Variants in PSME4 observed in about 807,000 individuals in gnomAD.
The protein encoded by PSME4 is proteasome activator complex subunit 4.
In PSME4, 89 loss-of-function variants were observed where a neutral mutation model predicts 253.9. That is an observed-to-expected ratio of 0.35 (90% CI 0.30 to 0.42). The LOEUF (loss-of-function observed/expected upper bound fraction) is 0.42, where lower values mean the gene tolerates loss of function less well. Ranked by LOEUF, PSME4 falls within the 10% of genes least tolerant of loss-of-function variation. PSME4 has a pLI of 1.00. For missense variants in PSME4, 2,014 were observed against 2,195.2 expected, an observed-to-expected ratio of 0.92 and a Z score of 1.65; for synonymous variants, 851 against 759.2, an observed-to-expected ratio of 1.12 and a Z score of -1.99.
intron 1 of PSME4, among the ~76,000 whole-genome samples, 165 bp from the exon 2 acceptor site, chr2:53,949,448 C>CT (rs77741355): frequency 0.053 from 7,447 of 139,364 alleles, 386 homozygotes; most frequent in East Asian, 0.3. Context: ...GGATTATTGT[C>CT]TTTTTTTTTT....
intron 1 of PSME4, among the ~76,000 whole-genome samples, chr2:53,950,452 C>T: frequency 6.6e-6 from 1 of 152,102 alleles, no homozygotes. Flanking sequence ...TAGGTTATAC[C>T]AAAAATAATT....
intron 4 of PSME4, among the ~76,000 whole-genome samples, chr2:53,939,663 A>G (rs76811723): frequency 0.029 from 4,421 of 152,280 alleles, 97 homozygotes; most frequent in Non-Finnish European, 0.048. Flanking sequence ...CATTACTCCT[A>G]TTTTTTGTCT....
At chr2:53,948,619 T>C (rs1669833262) in intron 2 of PSME4, 82 bp from the exon 3 acceptor site, 1 of 878,910 alleles carries the variant, frequency 1.1e-6, no homozygotes, top group African/African-American at 1.7e-5. Flanking sequence ...ACAGGGACAG[T>C]TAAACATTGC....
intron 41 of PSME4, among the ~76,000 whole-genome samples, chr2:53,878,214 C>T (rs1679222250): frequency 1.3e-5 from 2 of 152,186 alleles, no homozygotes; most frequent in African/African-American, 4.8e-5. Context: ...TTTATTATGC[C>T]TGTCTTTACT....
chr2:53,948,310 A>T (rs543818363), intron 3 of PSME4, 111 bp downstream of exon 3: 1 of 734,224 alleles, frequency 1.4e-6, no homozygotes, highest in African/African-American at 1.8e-5. Context: ...AAATAGGCAC[A>T]TTAAAATATC....
rs1680329216 is a variant in PSME4 at position 53,900,146 on chromosome 2, A to C, written c.3286-129T>G. 5 of 884,154 alleles carry C rather than the reference A, an allele frequency of 5.7e-6. No individual in the cohort carries two copies. The East Asian group carries it at 1.1e-4, about 19-fold the overall frequency. The allele number at this position is 884,154 out of a possible 1,614,324, so 54.8% of individuals were successfully genotyped here. A position where few individuals can be genotyped will look rare whatever the true frequency, so the allele number is the denominator to read the frequency against. On this transcript the variant is annotated intron_variant, in intron 28 of 46. Coordinates refer to ENST00000404125, the MANE Select transcript of PSME4 (RefSeq NM_014614.3). ...GTCCACATATTTTACGATTCCATTT[A>C]TATGAAATATCTAATAATGGGCAAA...
Position 53,920,333 on chromosome 2 carries a change from C to A in PSME4, c.2280G>T (p.Gly760=). Residue 760 remains glycine (G), a synonymous_variant, in exon 19 of 47, where the codon GGG becomes GGT. Transcript: ENST00000404125. ...ACTGGATTCCCAGATTCCACAAGTCCCCGGGTTTGCCCCAGTCCTAGAAGA... is the reference window on the plus strand; with the variant it reads ...ACTGGATTCCCAGATTCCACAAGTCACCGGGTTTGCCCCAGTCCTAGAAGA... ...YFPIKDWGKP[G]DLWNLGIQWH... is the part of the protein sequence containing the mutation. 1 of 1,612,572 alleles carries A rather than the reference C, an allele frequency of 6.2e-7. No homozygotes were observed. Among genetic ancestry groups the A allele is most frequent in the Non-Finnish European group, 8.5e-7 (1 of 1,179,172 alleles).
chr2:53,920,758 A>G (rs1001122274), intron 18 of PSME4, 131 bp downstream of exon 18: 1 of 793,254 alleles, frequency 1.3e-6, no homozygotes, highest in Non-Finnish European at 2.0e-6. Flanking sequence ...AGTTTCACAT[A>G]TTCCAATAAT....
chr2:53,894,715 G>GT (rs1449259952), intron 34 of PSME4, among the ~76,000 whole-genome samples: 2 of 150,840 alleles, frequency 1.3e-5, no homozygotes, highest in African/African-American at 2.5e-5. Flanking sequence ...CAAAACGCTT[G>GT]TATCAGAACT....
chr2:53,956,946 G>A (rs111602047), intron 1 of PSME4, among the ~76,000 whole-genome samples: 236 of 152,256 alleles, frequency 1.6e-3, no homozygotes, highest in African/African-American at 5.4e-3. Context: ...TGAAAAGGGT[G>A]TGAATCAAGG....
At chr2:53,918,970 G>C (rs1012624627) in intron 20 of PSME4, among the ~76,000 whole-genome samples, 181 bp downstream of exon 20, 8 of 152,074 alleles carry the variant, frequency 5.3e-5, no homozygotes, top group Non-Finnish European at 8.8e-5. Context: ...GTGAAAATCT[G>C]AATAAAGCCT....
chr2:53,909,970 A>G, intron 21 of PSME4, 105 bp downstream of exon 21: 1 of 1,014,150 alleles, frequency 9.9e-7, no homozygotes, highest in Non-Finnish European at 1.6e-6. Flanking sequence ...ACTCTGTCTC[A>G]AAACAAAACA....
intron 3 of PSME4, among the ~76,000 whole-genome samples, chr2:53,943,568 C>T (rs1260480932): frequency 6.6e-6 from 1 of 152,126 alleles, no homozygotes; most frequent in African/African-American, 2.4e-5. Flanking sequence ...ACGCCAGGTG[C>T]AGTGGCTCAT....
intron 12 of PSME4, 31 bp from the exon 13 acceptor site, chr2:53,926,054 A>G (rs756129885): frequency 1.3e-6 from 2 of 1,568,116 alleles, no homozygotes; most frequent in Non-Finnish European, 1.8e-6. Flanking sequence ...GAAAGATTAC[A>G]TATAGCCTTT....
In PSME4 at chr2:53,923,925, A is replaced by C. The variant is rs892992131; in HGVS notation, c.1810-506T>G. Among the ~76,000 whole-genome samples the C allele has an allele frequency of 8.6e-4, 61 of 71,056 alleles. No individual in the cohort carries two copies. The East Asian group carries it at 0.034, about 40-fold the overall frequency. 46.6% of individuals were successfully genotyped at this position (71,056 alleles called of 152,430 possible). The stretch of plus-strand genomic sequence containing the variant: ...GTGACAGAGTTAACAAAAAAAAAAA[A>C]AAAAAAAAAAAAAAAAAAAATTGAG... On this transcript the variant is annotated intron_variant, in intron 14 of 46. Transcript: ENST00000404125.
At chr2:53,954,471 T>C (rs1470002778) in intron 1 of PSME4, among the ~76,000 whole-genome samples, 3 of 152,126 alleles carry the variant, frequency 2.0e-5, no homozygotes, top group African/African-American at 7.2e-5. Flanking sequence ...GAGACCCTCA[T>C]CTCTATTATA....
chr2:53,869,767 C>A, intron 43 of PSME4: 1 of 331,566 alleles, frequency 3.0e-6, no homozygotes, highest in Non-Finnish European at 5.5e-6. Context: ...ACTTTTATCT[C>A]TTTTAGCAAA....
chr2:53,895,795 C>T, intron 32 of PSME4, 59 bp from the exon 33 acceptor site: 1 of 1,441,486 alleles, frequency 6.9e-7, no homozygotes. Flanking sequence ...CAATTATTAC[C>T]AAATTTCAAT....
At chr2:53,953,461 G>A (rs1670091500) in intron 1 of PSME4, among the ~76,000 whole-genome samples, 2 of 136,010 alleles carry the variant, frequency 1.5e-5, no homozygotes, top group African/African-American at 5.5e-5. Flanking sequence ...ACCAACCTGA[G>A]CAACATGGTG....
Sources: allele counts gnomAD v4.1 joint callset (sites outside exome capture counted in the v4.1 genomes callset), GRCh38; gene constraint gnomAD v4.1.1; transcripts MANE v1.5; gene names NCBI Gene and HGNC (gene_info 2026-07-23, HGNC 2026-07-21).